HELQ: variants seen among roughly 807,000 people sequenced by gnomAD.
HELQ encodes helicase, POLQ like, also known as helicase POLQ-like.
HELQ carries 77 observed loss-of-function variants against 111.6 expected under a neutral mutation model. The ratio of observed to expected loss-of-function variants is 0.69; its 90% CI spans 0.57 to 0.83. The LOEUF (loss-of-function observed/expected upper bound fraction) is 0.83. HELQ is among the 40% of genes least tolerant of loss of function. The pLI, the probability that HELQ is intolerant of heterozygous loss-of-function variation, is 0.00. For synonymous variants in HELQ, 438 were observed against 454.7 expected (o/e 0.96, Z 0.47); for missense variants, 1,200 against 1,288.5 (o/e 0.93, Z 1.05).
At chr4:83,409,044 T>G (rs1738948454) in intron 17 of HELQ, among the ~76,000 whole-genome samples, 1 of 152,042 alleles carries the variant, frequency 6.6e-6, no homozygotes, top group Admixed American at 6.6e-5. Context: ...GGACAAAATT[T>G]ACAATCTTGT....
intron 7 of HELQ, among the ~76,000 whole-genome samples, chr4:83,440,744 A>C (rs946615661): frequency 1.3e-5 from 2 of 152,194 alleles, no homozygotes; most frequent in African/African-American, 4.8e-5. Flanking sequence ...TTGTATGAAT[A>C]AACATTTACA....
At chr4:83,408,345 A>G (rs1738902769) in intron 17 of HELQ, among the ~76,000 whole-genome samples, 1 of 151,338 alleles carries the variant, frequency 6.6e-6, no homozygotes, top group South Asian at 2.1e-4. Context: ...TCCGCCTCCC[A>G]GGTTCAAGTG....
chr4:83,444,352 C>T (rs1440975264), intron 5 of HELQ, among the ~76,000 whole-genome samples: 1 of 152,104 alleles, frequency 6.6e-6, no homozygotes, highest in African/African-American at 2.4e-5. Flanking sequence ...TCTATGAGAT[C>T]TTGCTATCAA....
chr4:83,447,680 G>A (rs537471187), intron 3 of HELQ, among the ~76,000 whole-genome samples: 2 of 151,936 alleles, frequency 1.3e-5, no homozygotes, highest in Admixed American at 6.6e-5. Flanking sequence ...CCAACATGGC[G>A]AGACATCATC....
chr4:83,429,274 G>A (rs1720014051), intron 12 of HELQ, among the ~76,000 whole-genome samples: 1 of 152,058 alleles, frequency 6.6e-6, no homozygotes, highest in South Asian at 2.1e-4. Flanking sequence ...AGCCTCCCGA[G>A]TAGCTGGGAC....
intron 3 of HELQ, among the ~76,000 whole-genome samples, chr4:83,448,142 G>C (rs546935323): frequency 2.6e-5 from 4 of 151,848 alleles, no homozygotes; most frequent in Non-Finnish European, 5.9e-5. Flanking sequence ...CCCAAGAGGC[G>C]GAGGTTGCAG....
At chr4:83,446,221 T>C in intron 4 of HELQ, 135 bp from the exon 5 acceptor site, 2 of 613,580 alleles carry the variant, frequency 3.3e-6, no homozygotes, top group Non-Finnish European at 5.7e-6. Context: ...ATAACAACTA[T>C]AATACATGTA....
intron 17 of HELQ, among the ~76,000 whole-genome samples, chr4:83,415,200 AT>A (rs1252819874): frequency 1.3e-5 from 2 of 152,354 alleles, no homozygotes; most frequent in South Asian, 2.1e-4. Context: ...GCAGAAGGCA[AT>A]GGCAAACTGG....
At chr4:83,420,414 C>T (rs1467366250) in intron 15 of HELQ, among the ~76,000 whole-genome samples, 1 of 152,050 alleles carries the variant, frequency 6.6e-6, no homozygotes, top group East Asian at 1.9e-4. Flanking sequence ...TGGAGGATCG[C>T]TTCAGCCTGA....
intron 12 of HELQ, 24 bp downstream of exon 12, chr4:83,429,500 A>G (rs1720027943): frequency 4.2e-6 from 6 of 1,431,752 alleles, no homozygotes; most frequent in Non-Finnish European, 3.9e-6. Flanking sequence ...TCCTATGATC[A>G]ATAAGATTTA....
intron 9 of HELQ, among the ~76,000 whole-genome samples, chr4:83,432,864 T>C (rs1255442036): frequency 1.3e-5 from 2 of 151,802 alleles, no homozygotes; most frequent in East Asian, 1.9e-4. Context: ...TTGGGCAATA[T>C]AGTGAGATGC....
chr4:83,410,675 G>A (rs1457686450), intron 17 of HELQ, among the ~76,000 whole-genome samples: 4 of 152,058 alleles, frequency 2.6e-5, no homozygotes, highest in East Asian at 1.9e-4. Flanking sequence ...ATTGAGAGAC[G>A]GGATCTAATT....
intron 5 of HELQ, among the ~76,000 whole-genome samples, chr4:83,445,250 TTGA>T (rs1162337113): frequency 6.6e-6 from 1 of 152,168 alleles, no homozygotes; most frequent in South Asian, 2.1e-4. Context: ...AAATACAGGC[TTGA>T]TGAAAGCAGG....
chr4:83,436,867 G>C lies in HELQ; in HGVS notation c.2039C>G (p.Pro680Arg). The change falls in exon 9 of 18, where the codon CCA becomes CGA. Residue 680 changes from proline to arginine, a missense_variant. Around this residue, in one of 3 missense-constraint regions of HELQ, gnomAD observed 585 missense variants for 665.3 expected, o/e 0.88. Coordinates refer to ENST00000295488, the MANE Select transcript of HELQ (RefSeq NM_133636.5). ...CTTACTTATCTCTTACCTTCGAGCT[G>C]GTAGGTTGACACCTGCCGCTAGGGT... Reference protein sequence around the residue: ...TSTLAAGVNLPARRVILRAPY... With the variant: ...TSTLAAGVNLRARRVILRAPY... The C allele has an allele frequency of 6.2e-7, 1 of 1,613,302 alleles. No individual in the cohort carries two copies. The highest frequency in any genetic ancestry group is 8.5e-7 in the Non-Finnish European group (1 of 1,179,634).
chr4:83,415,088 A>G (rs1401217467), intron 17 of HELQ, among the ~76,000 whole-genome samples: 1 of 152,216 alleles, frequency 6.6e-6, no homozygotes, highest in Non-Finnish European at 1.5e-5. Context: ...TAGTAAAACA[A>G]TGAAGCTTCA....
chr4:83,434,760 A>G (rs1250118702), intron 9 of HELQ, among the ~76,000 whole-genome samples: 1 of 152,142 alleles, frequency 6.6e-6, no homozygotes, highest in Non-Finnish European at 1.5e-5. Flanking sequence ...ATTTTTTGAT[A>G]TGGAAGGTAA....
chr4:83,434,908 A>G (rs769314780), intron 9 of HELQ, among the ~76,000 whole-genome samples: 3 of 152,188 alleles, frequency 2.0e-5, no homozygotes, highest in Non-Finnish European at 4.4e-5. Flanking sequence ...CAAGGAACAG[A>G]GATAATGGGA....
chr4:83,438,490 C>T (rs1157241565), intron 8 of HELQ, among the ~76,000 whole-genome samples: 1 of 152,146 alleles, frequency 6.6e-6, no homozygotes, highest in Non-Finnish European at 1.5e-5. Flanking sequence ...CCTGTAATTC[C>T]AGCACTTTGG....
rs560136140 is a variant in HELQ, at chr4:83,425,125, C to T, written c.2775+869G>A. 2.0e-5 allele frequency among the ~76,000 whole-genome samples: 3 copies of T among 151,548 alleles called. No homozygotes were observed. The East Asian group carries it at 5.9e-4, about 30-fold the overall frequency. On this transcript the variant is annotated intron_variant, in intron 14 of 17. Transcript: ENST00000295488. ...TGAAACCCTGTCTCTCCTAAAAATA[C>T]AAAAATTAGCTAGGCGTGGTGGCAG...
Sources: gnomAD v4.1 joint callset for allele counts (sites outside exome capture counted in the v4.1 genomes callset) on GRCh38, gnomAD v4.1.1 for gene constraint, gnomAD v4.1.1 regional missense constraint, MANE v1.5 for transcripts, NCBI Gene and HGNC (gene_info 2026-07-23, HGNC 2026-07-21) for gene names.